Variants in TMEM117 observed in about 807,000 individuals in gnomAD.
The protein encoded by TMEM117 is transmembrane protein 117.
TMEM117 carries 27 observed loss-of-function variants against 52.4 expected under a neutral mutation model. That is an observed-to-expected ratio of 0.51 (90% CI 0.38 to 0.71). The LOEUF is 0.71. TMEM117 is among the 30% of genes least tolerant of loss of function. The probability of loss-of-function intolerance (pLI) is 0.00; values close to 1 mark genes in which losing one functional copy is unlikely to be tolerated. For synonymous variants in TMEM117, 215 were observed against 206.3 expected (o/e 1.04, Z -0.36); for missense variants, 556 against 630.5 (o/e 0.88, Z 1.26).
Position 44,095,380 on chromosome 12 carries a change from G to A in TMEM117, c.411-48145G>A, listed in dbSNP as rs558907783. 1.1e-4 allele frequency among the ~76,000 whole-genome samples: 16 copies of A among 152,172 alleles called. No individual in the cohort carries two copies. The South Asian group carries it at 1.7e-3, about 16-fold the overall frequency. ...GTAAATTCATTCAACGAGTAGGATT[G>A]GGAAGCCATTTTGTATGAATCTTAT... On this transcript the variant is annotated intron_variant, in intron 3 of 7. Transcript: ENST00000266534.
chr12:43,950,535 A>ATT (rs760143366), intron 3 of TMEM117, among the ~76,000 whole-genome samples: 8,850 of 72,418 alleles, frequency 0.12, 689 homozygotes, highest in African/African-American at 0.26. Flanking sequence ...GCTCTGAACT[A>ATT]TTTTTTTTTT....
intron 5 of TMEM117, among the ~76,000 whole-genome samples, chr12:44,298,285 C>T (rs1319556975): frequency 1.3e-5 from 2 of 150,674 alleles, no homozygotes; most frequent in African/African-American, 2.5e-5. Context: ...AGGGCAAAAA[C>T]GGTTTTGTTA....
intron 3 of TMEM117, among the ~76,000 whole-genome samples, chr12:44,030,092 T>G (rs1946609816): frequency 6.6e-6 from 1 of 152,210 alleles, no homozygotes; most frequent in Non-Finnish European, 1.5e-5. Context: ...ATCAAATATT[T>G]TGTTAGAAAA....
intron 3 of TMEM117, among the ~76,000 whole-genome samples, chr12:44,107,781 A>C (rs1032943858): frequency 6.6e-6 from 1 of 152,114 alleles, no homozygotes; most frequent in African/African-American, 2.4e-5. Flanking sequence ...ACTTTTCAGA[A>C]AGCAACTTTG....
the TMEM117 span, among the ~76,000 whole-genome samples, chr12:43,825,207 A>T: frequency 4.6e-5 from 7 of 152,358 alleles, no homozygotes; most frequent in African/African-American, 1.4e-4. Context: ...AGGATCAAAG[A>T]AAATAATCCA....
At chr12:44,370,272 A>G (rs1951844535) in intron 6 of TMEM117, among the ~76,000 whole-genome samples, 1 of 152,096 alleles carries the variant, frequency 6.6e-6, no homozygotes, top group African/African-American at 2.4e-5. Context: ...CACTCTCTCT[A>G]ATTGTCCACT....
intron 4 of TMEM117, among the ~76,000 whole-genome samples, chr12:44,172,318 C>G (rs1949057522): frequency 6.6e-6 from 1 of 152,216 alleles, no homozygotes; most frequent in South Asian, 2.1e-4. Flanking sequence ...CATGCTTCCT[C>G]TAAGCCACTA....
At chr12:43,938,710 G>T (rs967640872) in intron 2 of TMEM117, among the ~76,000 whole-genome samples, 1 of 152,056 alleles carries the variant, frequency 6.6e-6, no homozygotes, top group African/African-American at 2.4e-5. Flanking sequence ...GATGGAAAAT[G>T]TGAGAAGGGC....
At chr12:44,271,543 G>A (rs1950446041) in intron 5 of TMEM117, among the ~76,000 whole-genome samples, 1 of 152,038 alleles carries the variant, frequency 6.6e-6, no homozygotes. Context: ...AAAACTGACA[G>A]TCCACATGCT....
chr12:43,806,338 G>A, the TMEM117 span: 3 of 1,281,832 alleles, frequency 2.3e-6, no homozygotes, highest in East Asian at 3.3e-5. Flanking sequence ...CGCCGGCCCC[G>A]GCGCGTCATC....
chr12:44,228,660 G>A (rs1949894881), intron 5 of TMEM117, among the ~76,000 whole-genome samples: 1 of 152,120 alleles, frequency 6.6e-6, no homozygotes, highest in South Asian at 2.1e-4. Flanking sequence ...GAAGGAATGA[G>A]CCATGTGAAG....
intron 3 of TMEM117, among the ~76,000 whole-genome samples, chr12:44,020,610 A>G (rs541382124): frequency 8.5e-5 from 13 of 152,342 alleles, no homozygotes; most frequent in African/African-American, 2.4e-4. Context: ...AACTTTGGGC[A>G]TGCACTAAGG....
chr12:43,809,471 A>G, the TMEM117 span, among the ~76,000 whole-genome samples: 7 of 152,250 alleles, frequency 4.6e-5, no homozygotes, highest in African/African-American at 1.7e-4. Flanking sequence ...ATATGACTTT[A>G]TGAAGCTCTA....
intron 5 of TMEM117, among the ~76,000 whole-genome samples, chr12:44,279,376 C>T (rs2138589704): frequency 6.6e-6 from 1 of 152,194 alleles, no homozygotes; most frequent in Admixed American, 6.5e-5. Context: ...ATAAATTATC[C>T]AAATAATGTT....
At chr12:44,327,934 CCCA>C in intron 6 of TMEM117, among the ~76,000 whole-genome samples, 1 of 152,254 alleles carries the variant, frequency 6.6e-6, no homozygotes, top group East Asian at 1.9e-4. Flanking sequence ...GAAAATGCAT[CCCA>C]CCACATTACA....
chr12:43,932,517 A>G (rs928973196), intron 2 of TMEM117, among the ~76,000 whole-genome samples: 1 of 152,116 alleles, frequency 6.6e-6, no homozygotes, highest in Non-Finnish European at 1.5e-5. Flanking sequence ...AAAAGAAATA[A>G]TGATTGATAG....
chr12:43,931,563 C>T (rs377471983), intron 2 of TMEM117, among the ~76,000 whole-genome samples: 12 of 152,152 alleles, frequency 7.9e-5, no homozygotes, highest in East Asian at 7.7e-4. Context: ...GAGAAATGCC[C>T]GTGTGTAAAT....
intron 3 of TMEM117, among the ~76,000 whole-genome samples, chr12:44,074,687 A>G (rs1211414950): frequency 1.3e-5 from 2 of 152,138 alleles, no homozygotes; most frequent in Non-Finnish European, 2.9e-5. Flanking sequence ...TATCATATAC[A>G]TTTGGCAGTT....
chr12:44,319,314 G>T (rs1324206577), intron 6 of TMEM117, among the ~76,000 whole-genome samples: 1 of 152,144 alleles, frequency 6.6e-6, no homozygotes, highest in African/African-American at 2.4e-5. Context: ...ATGTCCCCAA[G>T]CCTCACCCCA....
Sources: gnomAD v4.1 joint callset for allele counts (sites outside exome capture counted in the v4.1 genomes callset) on GRCh38, gnomAD v4.1.1 for gene constraint, MANE v1.5 for transcripts, NCBI Gene and HGNC (gene_info 2026-07-23, HGNC 2026-07-21) for gene names.